The following MACROD2 variants were observed in gnomAD, a reference collection of about 807,000 sequenced individuals.
MACROD2 encodes the protein mono-ADP ribosylhydrolase 2, also known as ADP-ribose glycohydrolase MACROD2.
MACROD2 carries 36 observed loss-of-function variants against 70.4 expected under a neutral mutation model. The observed-to-expected ratio is 0.51, with a 90% CI of 0.39 to 0.68. The LOEUF is 0.68. Among genes scored for constraint, MACROD2 ranks in the 30% least tolerant of loss-of-function variants. MACROD2 has a pLI of 0.00. For synonymous variants in MACROD2, 172 were observed against 178.8 expected, an observed-to-expected ratio of 0.96 and a Z score of 0.30; for missense variants, 496 against 538.4, an observed-to-expected ratio of 0.92 and a Z score of 0.78.
intron 8 of MACROD2, among the ~76,000 whole-genome samples, chr20:15,664,484 C>T (rs2049869347): frequency 6.6e-6 from 1 of 152,174 alleles, no homozygotes. Context: ...GCGTAACACC[C>T]CCCTAATCAT....
chr20:14,839,099 G>A lies in MACROD2; in HGVS notation c.418+154140G>A, dbSNP rs143858537. On this transcript the variant is annotated intron_variant, in intron 5 of 17. Coordinates refer to ENST00000684519, the MANE Select transcript of MACROD2 (RefSeq NM_001351661.2). ...TTATCGTTGAAGCAGCGTAGGGGTC[G>A]TTTGGGCTATGTTTTCCTCCATGTG... Among the ~76,000 whole-genome samples the A allele has an allele frequency of 1.1e-4, 17 of 152,160 alleles. No individual in the cohort carries two copies. The South Asian group carries it at 1.7e-3, about 15-fold the overall frequency.
At chr20:14,245,192 G>A (rs968677497) in intron 3 of MACROD2, among the ~76,000 whole-genome samples, 6 of 151,950 alleles carry the variant, frequency 3.9e-5, no homozygotes, top group African/African-American at 9.7e-5. Context: ...GTGAAACCCC[G>A]TCTCTACTAA....
At chr20:14,868,817 T>G (rs1021205552) in intron 5 of MACROD2, among the ~76,000 whole-genome samples, 9 of 152,136 alleles carry the variant, frequency 5.9e-5, no homozygotes, top group African/African-American at 2.2e-4. Flanking sequence ...CGAAAGTGGG[T>G]GCAGAATGAG....
rs540658855 is a variant in MACROD2 at position 15,774,675 on chromosome 20, G to T, written c.646-88070G>T. Among the ~76,000 whole-genome samples the T allele has an allele frequency of 2.0e-5, 3 of 152,210 alleles. No individual in the cohort carries two copies. In the South Asian group the frequency reaches 6.2e-4, roughly 32 times the overall value. ...GAGGGGGAGGGCAGCACACTGCACT[G>T]TCTCACCTGGGCATTTTCATTGTCA... is the stretch of plus-strand genomic sequence containing the variant. On this transcript the variant is annotated intron_variant, in intron 8 of 17. Coordinates refer to ENST00000684519, the MANE Select transcript of MACROD2 (RefSeq NM_001351661.2).
chr20:16,036,808 C>G (rs2067242614), intron 15 of MACROD2, among the ~76,000 whole-genome samples: 1 of 152,018 alleles, frequency 6.6e-6, no homozygotes, highest in Non-Finnish European at 1.5e-5. Context: ...CACACACATG[C>G]ACGCACGCAC....
chr20:14,285,599 TA>T (rs1419517185), intron 3 of MACROD2, among the ~76,000 whole-genome samples: 1 of 149,338 alleles, frequency 6.7e-6, no homozygotes, highest in Non-Finnish European at 1.5e-5. Flanking sequence ...TAAAAAACAA[TA>T]AAAAAAACTA....
chr20:14,425,359 A>T (rs1362343740), intron 3 of MACROD2, among the ~76,000 whole-genome samples: 2 of 152,186 alleles, frequency 1.3e-5, no homozygotes, highest in African/African-American at 4.8e-5. Flanking sequence ...GCTTTCTTAC[A>T]TAATTATATC....
At chr20:14,888,735 TGAA>T (rs1316555166) in intron 5 of MACROD2, 5 of 152,206 alleles carry the variant, frequency 3.3e-5, no homozygotes, top group African/African-American at 1.2e-4. Context: ...ATGATAAACT[TGAA>T]CCATGTTTTG....
At chr20:16,008,226 T>C (rs2066816106) in intron 15 of MACROD2, among the ~76,000 whole-genome samples, 1 of 152,218 alleles carries the variant, frequency 6.6e-6, no homozygotes. Flanking sequence ...CCCCCTATAC[T>C]GTCTTCTGGT....
chr20:15,199,202 A>G (rs1024614372), intron 5 of MACROD2, among the ~76,000 whole-genome samples: 1 of 152,084 alleles, frequency 6.6e-6, no homozygotes, highest in Admixed American at 6.5e-5. Context: ...AAAAAGTTAA[A>G]AAAGTTAGCC....
intron 6 of MACROD2, among the ~76,000 whole-genome samples, chr20:15,392,003 G>T (rs915694855): frequency 1.3e-5 from 2 of 152,104 alleles, no homozygotes; most frequent in African/African-American, 4.8e-5. Flanking sequence ...CTTTGTTGTT[G>T]TTGTTTGTTT....
intron 5 of MACROD2, among the ~76,000 whole-genome samples, chr20:14,732,058 AGGTCTT>A (rs2071605200): frequency 6.6e-6 from 1 of 152,182 alleles, no homozygotes; most frequent in Admixed American, 6.5e-5. Flanking sequence ...CACAACTGTA[AGGTCTT>A]AATTTTTAAG....
At chr20:14,154,497 T>C (rs1182535189) in intron 3 of MACROD2, among the ~76,000 whole-genome samples, 3 of 150,498 alleles carry the variant, frequency 2.0e-5, no homozygotes, top group Non-Finnish European at 4.4e-5. Flanking sequence ...GCCATTCTCC[T>C]GCCTCAGCCT....
chr20:15,621,066 C>T (rs1238343638), intron 8 of MACROD2, among the ~76,000 whole-genome samples: 2 of 152,114 alleles, frequency 1.3e-5, no homozygotes. Flanking sequence ...TGTTCTGGGT[C>T]ACAGGCAGTT....
At chr20:15,943,532 T>G (rs961108507) in intron 12 of MACROD2, among the ~76,000 whole-genome samples, 1 of 152,080 alleles carries the variant, frequency 6.6e-6, no homozygotes, top group Non-Finnish European at 1.5e-5. Context: ...GAGCCTTAAG[T>G]GTAGAATGAA....
At chr20:15,389,352 G>C (rs1381431222) in intron 6 of MACROD2, among the ~76,000 whole-genome samples, 3 of 152,188 alleles carry the variant, frequency 2.0e-5, no homozygotes, top group Non-Finnish European at 4.4e-5. Context: ...GGAGAAGGAA[G>C]AGTGAAGAAG....
chr20:14,725,949 C>T (rs2071524856), intron 5 of MACROD2, among the ~76,000 whole-genome samples: 1 of 152,142 alleles, frequency 6.6e-6, no homozygotes, highest in Admixed American at 6.5e-5. Flanking sequence ...AGGTGCTGAG[C>T]AGATCTGACA....
intron 3 of MACROD2, among the ~76,000 whole-genome samples, chr20:14,407,803 G>C (rs1297191209): frequency 6.6e-6 from 1 of 152,110 alleles, no homozygotes; most frequent in East Asian, 1.9e-4. Flanking sequence ...ACTTAGGCAG[G>C]TCAAATAATA....
chr20:15,295,403 T>C (rs1194039670), intron 6 of MACROD2, among the ~76,000 whole-genome samples: 5 of 152,188 alleles, frequency 3.3e-5, no homozygotes, highest in African/African-American at 1.2e-4. Context: ...TTTCCTTTCT[T>C]GCTAAGTGCA....
Sources: gnomAD v4.1 joint callset for allele counts (sites outside exome capture counted in the v4.1 genomes callset) on GRCh38, gnomAD v4.1.1 for gene constraint, MANE v1.5 for transcripts, NCBI Gene and HGNC (gene_info 2026-07-23, HGNC 2026-07-21) for gene names.